COX10: variants seen among roughly 807,000 people sequenced by gnomAD.
The protein encoded by COX10 is protoheme IX farnesyltransferase, mitochondrial.
In COX10, 27 loss-of-function variants were observed where a neutral mutation model predicts 37.3. The ratio of observed to expected loss-of-function variants is 0.72; its 90% CI spans 0.53 to 1.00. COX10 has a LOEUF of 1.00. Ranked by LOEUF, COX10 falls within the 50% of genes least tolerant of loss-of-function variation. The pLI, the probability that COX10 is intolerant of heterozygous loss-of-function variation, is 0.00. For synonymous variants in COX10, 222 were observed against 229.1 expected, an observed-to-expected ratio of 0.97 and a Z score of 0.28; for missense variants, 475 against 563.2, an observed-to-expected ratio of 0.84 and a Z score of 1.59.
rs11078234 is a variant in COX10 at position 14,207,584 on chromosome 17, A to C, written c.*371A>C. 1 of 183,986 alleles carries C rather than the reference A, an allele frequency of 5.4e-6. No homozygotes were observed. Among genetic ancestry groups the C allele is most frequent in the Non-Finnish European group, 1.1e-5 (1 of 88,006 alleles). 11.4% of individuals were successfully genotyped at this position (183,986 alleles called of 1,614,324 possible). A position where few individuals can be genotyped will look rare whatever the true frequency, so the allele number is the denominator to read the frequency against. ...CACACGCACACTCCACATGCCCAGC[A>C]GAGTGGCACTTGGTGGCCAGAAAGT... On this transcript the variant is annotated 3_prime_UTR_variant, in exon 7 of 7. Coordinates refer to ENST00000261643, the MANE Select transcript of COX10 (RefSeq NM_001303.4).
At chr17:14,170,640 C>A (rs971607381) in intron 5 of COX10, among the ~76,000 whole-genome samples, 9 of 152,212 alleles carry the variant, frequency 5.9e-5, no homozygotes, top group Admixed American at 2.6e-4. Flanking sequence ...CGTAGTGAGA[C>A]CCTGTCTTTA....
intron 4 of COX10, among the ~76,000 whole-genome samples, chr17:14,152,472 G>A (rs1904933388): frequency 6.6e-6 from 1 of 152,146 alleles, no homozygotes; most frequent in South Asian, 2.1e-4. Context: ...ACAACACGTG[G>A]AAATTATGGG....
chr17:14,085,935 G>A (rs1915399750), intron 3 of COX10, among the ~76,000 whole-genome samples: 1 of 152,240 alleles, frequency 6.6e-6, no homozygotes, highest in Admixed American at 6.5e-5. Context: ...TTTTAATTTT[G>A]TACTTAATTC....
intron 4 of COX10, among the ~76,000 whole-genome samples, chr17:14,117,546 C>G (rs2142210390): frequency 6.6e-6 from 1 of 152,296 alleles, no homozygotes; most frequent in East Asian, 1.9e-4. Flanking sequence ...TCCCTTATCC[C>G]CCTTTCAGGG....
chr17:14,090,901 C>T (rs1915513876), intron 3 of COX10, among the ~76,000 whole-genome samples: 1 of 152,182 alleles, frequency 6.6e-6, no homozygotes, highest in Middle Eastern at 3.2e-3. Context: ...TATTACATTT[C>T]CATTGCCCAG....
intron 3 of COX10, among the ~76,000 whole-genome samples, chr17:14,092,756 T>G (rs1915557050): frequency 6.6e-6 from 1 of 152,104 alleles, no homozygotes; most frequent in Non-Finnish European, 1.5e-5. Context: ...AAAAAAGAGA[T>G]GAAAATCATT....
At chr17:14,118,533 G>A (rs373306427) in intron 4 of COX10, among the ~76,000 whole-genome samples, 3 of 152,002 alleles carry the variant, frequency 2.0e-5, no homozygotes, top group East Asian at 1.9e-4. Context: ...TTTAGTCTTC[G>A]TAACCAAATG....
intron 4 of COX10, 102 bp from the exon 5 acceptor site, chr17:14,159,775 A>C (rs1905134173): frequency 1.1e-6 from 1 of 875,168 alleles, no homozygotes; most frequent in South Asian, 1.5e-5. Flanking sequence ...TGCTATCGAA[A>C]TTAAAATGAA....
intron 6 of COX10, among the ~76,000 whole-genome samples, chr17:14,195,236 A>AT (rs1222166635): frequency 6.6e-6 from 1 of 152,228 alleles, no homozygotes; most frequent in Non-Finnish European, 1.5e-5. Flanking sequence ...ATGAGTGAAC[A>AT]TAGGTACCTT....
intron 5 of COX10, among the ~76,000 whole-genome samples, chr17:14,181,280 A>G (rs1764345684): frequency 1.3e-5 from 2 of 152,134 alleles, no homozygotes; most frequent in Non-Finnish European, 2.9e-5. Flanking sequence ...AGAGATGGCA[A>G]AATAATGGCC....
chr17:14,081,191 G>A (rs1292482736), intron 3 of COX10, among the ~76,000 whole-genome samples: 1 of 152,194 alleles, frequency 6.6e-6, no homozygotes, highest in Non-Finnish European at 1.5e-5. Flanking sequence ...TTACTGTCTG[G>A]CGTTTACAGA....
Position 14,074,405 on chromosome 17 carries a change from T to C in COX10, c.126T>C (p.Asn42=). Residue 42 remains asparagine (N), a synonymous_variant, in exon 2 of 7, where the codon AAT becomes AAC. Coordinates refer to ENST00000261643, the MANE Select transcript of COX10 (RefSeq NM_001303.4). Reference sequence around the variant, plus strand: ...ACAAGTTCTTACATCTTCTCAGGAATGTCAATAAGCAGTGGATTACATTTC... The same window carrying C: ...ACAAGTTCTTACATCTTCTCAGGAACGTCAATAAGCAGTGGATTACATTTC... ...SPHKFLHLLR[N]VNKQWITFQH... 6.2e-7 allele frequency: 1 copy of C among 1,614,004 alleles called. No homozygotes were observed. The highest frequency in any genetic ancestry group is 8.5e-7 in the Non-Finnish European group (1 of 1,179,882).
At chr17:14,097,664 A>G (rs1297201651) in intron 3 of COX10, among the ~76,000 whole-genome samples, 1 of 152,160 alleles carries the variant, frequency 6.6e-6, no homozygotes. Context: ...TCATGTAACT[A>G]CATACCCTTT....
intron 4 of COX10, among the ~76,000 whole-genome samples, chr17:14,133,247 G>A (rs1916505577): frequency 6.6e-6 from 1 of 151,536 alleles, no homozygotes; most frequent in South Asian, 2.1e-4. Context: ...ATCTAAACAT[G>A]AAAATTGTTA....
At chr17:14,135,599 G>T (rs8071165) in intron 4 of COX10, among the ~76,000 whole-genome samples, 7,144 of 151,888 alleles carry the variant, frequency 0.047, 238 homozygotes, top group East Asian at 0.11. Flanking sequence ...TAATATTGAG[G>T]TTTTTTAGCA....
chr17:14,188,279 T>C (rs1906100520), intron 5 of COX10, among the ~76,000 whole-genome samples: 1 of 150,384 alleles, frequency 6.6e-6, no homozygotes, highest in African/African-American at 2.4e-5. Context: ...CATTATAATA[T>C]GTGCACTGCT....
At chr17:14,087,186 A>G (rs1174477595) in intron 3 of COX10, among the ~76,000 whole-genome samples, 1 of 152,188 alleles carries the variant, frequency 6.6e-6, no homozygotes, top group Non-Finnish European at 1.5e-5. Flanking sequence ...CTCTGTCCTC[A>G]TAGGTCTTAC....
chr17:14,154,182 A>T (rs960587348), intron 4 of COX10, among the ~76,000 whole-genome samples: 1 of 152,180 alleles, frequency 6.6e-6, no homozygotes, highest in Admixed American at 6.6e-5. Flanking sequence ...GGTGATTTGA[A>T]TATGTTCAGG....
intron 4 of COX10, among the ~76,000 whole-genome samples, chr17:14,123,227 A>G (rs988567327): frequency 1.3e-5 from 2 of 152,128 alleles, no homozygotes; most frequent in African/African-American, 4.8e-5. Context: ...ACAAATTCCA[A>G]TTTCTTCTAT....
Sources: gnomAD v4.1 joint callset for allele counts (sites outside exome capture counted in the v4.1 genomes callset) on GRCh38, gnomAD v4.1.1 for gene constraint, MANE v1.5 for transcripts, NCBI Gene and HGNC (gene_info 2026-07-23, HGNC 2026-07-21) for gene names.